The following FREM3 variants were observed in gnomAD, a reference collection of about 807,000 sequenced individuals.
FREM3 encodes FRAS1 related extracellular matrix 3.
Under a neutral mutation model 129.1 loss-of-function variants are expected in FREM3, and 105 were observed. That is an observed-to-expected ratio of 0.81 (90% CI 0.69 to 0.96). FREM3 has a LOEUF of 0.96. Among genes scored for constraint, FREM3 ranks in the 40% least tolerant of loss-of-function variants. The pLI is 0.00. For synonymous variants in FREM3, 1,014 were observed against 1,044.9 expected (o/e 0.97, Z 0.57); for missense variants, 2,593 against 2,666.3 (o/e 0.97, Z 0.61).
Position 143,697,491 on chromosome 4 carries a change from A to T in FREM3, c.3185T>A (p.Val1062Glu). The T allele has an allele frequency of 6.5e-7, 1 of 1,537,310 alleles. No individual in the cohort carries two copies. The highest frequency in any genetic ancestry group is 8.7e-7 in the Non-Finnish European group (1 of 1,146,918). Reference sequence around the variant, plus strand: ...GGGTCCCACATTGTCCACAGGCAGCACAGTTACTTGTACCTGTACTTTCTC... The same window carrying T: ...GGGTCCCACATTGTCCACAGGCAGCTCAGTTACTTGTACCTGTACTTTCTC... Reference protein sequence around the residue: ...IIEKVQVQVTVLPVDNVGPKV... With the variant: ...IIEKVQVQVTELPVDNVGPKV... The change falls in exon 1 of 8, where the codon GTG becomes GAG. Residue 1062 changes from valine (V) to glutamate (E), a missense_variant. Val to Glu is a moderately radical substitution (Grantham distance 121). Coordinates refer to ENST00000329798, the MANE Select transcript of FREM3 (RefSeq NM_001168235.2).
chr4:143,584,872 G>A (rs899272399), intron 7 of FREM3, among the ~76,000 whole-genome samples: 7 of 152,086 alleles, frequency 4.6e-5, no homozygotes, highest in African/African-American at 1.2e-4. Flanking sequence ...CGACTACACC[G>A]TTGGCCATAA....
intron 3 of FREM3, among the ~76,000 whole-genome samples, chr4:143,626,953 C>T (rs958017522): frequency 1.3e-5 from 2 of 152,034 alleles, no homozygotes; most frequent in African/African-American, 4.8e-5. Context: ...TAAATAAAGG[C>T]AAAATGATTT....
chr4:143,678,042 A>G (rs972000579), intron 2 of FREM3, among the ~76,000 whole-genome samples: 1 of 152,226 alleles, frequency 6.6e-6, no homozygotes, highest in African/African-American at 2.4e-5. Context: ...ATTACTGGGT[A>G]TATACCCAAA....
chr4:143,581,951 C>T (rs572772598), intron 7 of FREM3, among the ~76,000 whole-genome samples: 1 of 152,252 alleles, frequency 6.6e-6, no homozygotes, highest in East Asian at 1.9e-4. Context: ...CTCTTAGCTG[C>T]CCTAAGGAGA....
chr4:143,604,918 T>C (rs1738642637), intron 6 of FREM3, among the ~76,000 whole-genome samples: 1 of 152,154 alleles, frequency 6.6e-6, no homozygotes, highest in Non-Finnish European at 1.5e-5. Context: ...CTATGAATCT[T>C]CCATCATTAT....
chr4:143,583,395 T>C (rs1272416259), intron 7 of FREM3, among the ~76,000 whole-genome samples: 1 of 152,180 alleles, frequency 6.6e-6, no homozygotes, highest in African/African-American at 2.4e-5. Context: ...TTGAAGATAC[T>C]GTCCATGCAT....
rs1227312580 is a variant in FREM3, at chr4:143,611,436, C to G, written c.5871G>C (p.Lys1957Asn). 2 of 1,537,196 alleles carry G rather than the reference C, an allele frequency of 1.3e-6. No homozygotes were observed. The highest frequency in any genetic ancestry group is 2.4e-5 in the East Asian group (1 of 40,914). Residue 1957 changes from lysine to asparagine, a missense_variant, in exon 6 of 8, where the codon AAG becomes AAC. By Grantham distance (94) the Lys-to-Asn change is moderately conservative. This residue lies in a region of FREM3 where 317 missense variants were observed against 399.0 expected (regional missense o/e 0.79). Transcript: ENST00000329798. ...CCTGGCAGGTCTTCTGTGTCTCATT[C>G]TTGTCAAAGTGGAGGATGCTGGTGT... ...EDHTSILHFD[K>N]NETQKTCQVL... is the part of the protein sequence containing the mutation.
chr4:143,590,242 C>T (rs1018371568), intron 6 of FREM3, among the ~76,000 whole-genome samples: 4 of 152,132 alleles, frequency 2.6e-5, no homozygotes, highest in African/African-American at 9.7e-5. Context: ...CTTCTCCTGC[C>T]TGACTGCCCT....
chr4:143,672,598 T>C (rs1025358302), intron 2 of FREM3, among the ~76,000 whole-genome samples: 2 of 152,200 alleles, frequency 1.3e-5, no homozygotes, highest in African/African-American at 2.4e-5. Context: ...AGGAGTATCT[T>C]TGTGGCGTTC....
chr4:143,582,661 C>T (rs951722553), intron 7 of FREM3, among the ~76,000 whole-genome samples: 1 of 152,104 alleles, frequency 6.6e-6, no homozygotes, highest in Non-Finnish European at 1.5e-5. Context: ...GGTTCTTAAC[C>T]AGGCTGAAAT....
intron 2 of FREM3, among the ~76,000 whole-genome samples, chr4:143,665,903 T>C (rs59573552): frequency 0.026 from 3,948 of 152,228 alleles, 174 homozygotes; most frequent in African/African-American, 0.089. Flanking sequence ...ATATTATGTT[T>C]TCTCAACATG....
rs1434637415 is a variant in FREM3, at chr4:143,624,178, C to G, written c.5583G>C (p.Leu1861=). 4 of 1,536,878 alleles carry G rather than the reference C, an allele frequency of 2.6e-6. No individual in the cohort carries two copies. Among genetic ancestry groups the G allele is most frequent in the Non-Finnish European group, 2.6e-6 (3 of 1,146,720 alleles). The change falls in exon 4 of 8, where the codon CTG becomes CTC. Residue 1861 remains leucine, a synonymous_variant. Transcript: ENST00000329798. The stretch of plus-strand genomic sequence containing the variant: ...CCAGTACAGCCATGAGAGGTTCAGA[C>G]AGAATGATCTGGAAGGTCTCTGAAG... ...YETSETFQII[L]SEPLMAVLEF...
chr4:143,683,835 G>A (rs1740303420), intron 2 of FREM3, among the ~76,000 whole-genome samples: 1 of 152,194 alleles, frequency 6.6e-6, no homozygotes, highest in African/African-American at 2.4e-5. Context: ...TGGTGAAAGT[G>A]AGAACTGCCC....
intron 6 of FREM3, among the ~76,000 whole-genome samples, chr4:143,610,526 C>T (rs191241147): frequency 6.6e-6 from 1 of 152,276 alleles, no homozygotes; most frequent in East Asian, 1.9e-4. Context: ...TCTAACCCTT[C>T]TTAGGTCTGA....
At chr4:143,581,643 G>T (rs752319021) in intron 7 of FREM3, among the ~76,000 whole-genome samples, 4 of 152,108 alleles carry the variant, frequency 2.6e-5, no homozygotes, top group Non-Finnish European at 5.9e-5. Flanking sequence ...GAGTCTGAGG[G>T]CTTTACTCAC....
Position 143,585,757 on chromosome 4 carries a change from A to G in FREM3, c.6178+87T>C. 1 of 1,338,988 alleles carries G rather than the reference A, an allele frequency of 7.5e-7. No individual in the cohort carries two copies. The allele number at this position is 1,338,988 out of a possible 1,614,324, so 82.9% of individuals were successfully genotyped here. On this transcript the variant is annotated intron_variant, in intron 7 of 7. Coordinates refer to ENST00000329798, the MANE Select transcript of FREM3 (RefSeq NM_001168235.2). The surrounding 1 kb of genome is among the most constrained non-coding windows in gnomAD (Gnocchi z 4.2). ...ACTTTCATTCAGAGTCCATCAACAA[A>G]GACTAAGCATGCTTACACTTAACAG...
chr4:143,692,749 A>G (rs1740495828), intron 2 of FREM3, among the ~76,000 whole-genome samples: 1 of 152,180 alleles, frequency 6.6e-6, no homozygotes, highest in East Asian at 1.9e-4. Context: ...AAATCTGAAG[A>G]TGTATTTTCT....
chr4:143,627,799 A>T, intron 2 of FREM3, 39 bp from the exon 3 acceptor site: 1 of 1,392,908 alleles, frequency 7.2e-7, no homozygotes, highest in South Asian at 1.3e-5. Context: ...CAGCTGGAGT[A>T]TTTGATGGCA....
In FREM3 at chr4:143,700,019, G is replaced by A. The variant is rs1243271645; in HGVS notation, c.657C>T (p.Pro219=). 1 of 1,507,356 alleles carries A rather than the reference G, an allele frequency of 6.6e-7. No individual in the cohort carries two copies. The highest frequency in any genetic ancestry group is 1.3e-5 in the South Asian group (1 of 79,360). The allele number at this position is 1,507,356 out of a possible 1,614,324, so 93.4% of individuals were successfully genotyped here. A position where few individuals can be genotyped will look rare whatever the true frequency, so the allele number is the denominator to read the frequency against. ...RLTPLPHEDG[P]LPKYGRLVDA... ...CCACCAAGCGCCCGTACTTGGGCAG[G>A]GGGCCGTCCTCGTGAGGAAGTGGGG... Residue 219 remains proline (P), a synonymous_variant, in exon 1 of 8, where the codon CCC becomes CCT. Coordinates refer to ENST00000329798, the MANE Select transcript of FREM3 (RefSeq NM_001168235.2).
Sources: allele counts gnomAD v4.1 joint callset (sites outside exome capture counted in the v4.1 genomes callset), GRCh38; gene constraint gnomAD v4.1.1; regional missense constraint gnomAD v4.1.1; non-coding constraint Gnocchi (gnomAD v3.1); transcripts MANE v1.5; gene names NCBI Gene and HGNC (gene_info 2026-07-23, HGNC 2026-07-21).